Variants in PCBP3 observed in about 807,000 individuals in gnomAD.
PCBP3 encodes poly(rC) binding protein 3.
Under a neutral mutation model 52.7 loss-of-function variants are expected in PCBP3, and 25 were observed. That is an observed-to-expected ratio of 0.47 (90% CI 0.35 to 0.66). The LOEUF (loss-of-function observed/expected upper bound fraction) is 0.66. PCBP3 is among the 30% of genes least tolerant of loss of function. The probability of loss-of-function intolerance (pLI) is 0.01; values close to 1 mark genes in which losing one functional copy is unlikely to be tolerated. For missense variants in PCBP3, 391 were observed against 490.3 expected, an observed-to-expected ratio of 0.80 and a Z score of 1.91; for synonymous variants, 162 against 183.0, an observed-to-expected ratio of 0.89 and a Z score of 0.93.
chr21:45,845,570 G>A (rs1330366607), intron 4 of PCBP3, among the ~76,000 whole-genome samples: 7 of 151,438 alleles, frequency 4.6e-5, no homozygotes, highest in Non-Finnish European at 1.0e-4. Flanking sequence ...TTAAGCACCC[G>A]TGTGCACACG....
At chr21:45,823,469 CT>C (rs943990705) in intron 4 of PCBP3, among the ~76,000 whole-genome samples, 3 of 152,206 alleles carry the variant, frequency 2.0e-5, no homozygotes, top group Non-Finnish European at 4.4e-5. Context: ...CAGGCGTGGA[CT>C]TTCCGCTGTG....
chr21:45,787,302 T>G (rs2091228804), intron 4 of PCBP3, among the ~76,000 whole-genome samples: 1 of 152,176 alleles, frequency 6.6e-6, no homozygotes. Flanking sequence ...TGGAGTGCAA[T>G]GGCGTGATCA....
chr21:45,873,721 T>G (rs971987061), intron 5 of PCBP3, among the ~76,000 whole-genome samples: 3 of 152,234 alleles, frequency 2.0e-5, no homozygotes, highest in Non-Finnish European at 4.4e-5. Context: ...TGTGCGCACC[T>G]GTTTTTCATG....
At chr21:45,766,963 CT>C in intron 4 of PCBP3, among the ~76,000 whole-genome samples, 1 of 152,334 alleles carries the variant, frequency 6.6e-6, no homozygotes, top group East Asian at 1.9e-4. Context: ...AACATGTTCA[CT>C]TTCACACACA....
In PCBP3 at chr21:45,802,797, C is replaced by G. The variant is rs1223973676; in HGVS notation, c.-125-47164C>G. Among the ~76,000 whole-genome samples, 1 of 152,136 alleles carries G rather than the reference C, an allele frequency of 6.6e-6. No homozygotes were observed. The highest frequency in any genetic ancestry group is 2.4e-5 in the African/African-American group (1 of 41,434). ...GAGGAGGCAGGGATGGGAAGGGTCCCCGAGGGCCCTGAGCAGGGCTAACCC... is the reference window on the plus strand; with the variant it reads ...GAGGAGGCAGGGATGGGAAGGGTCCGCGAGGGCCCTGAGCAGGGCTAACCC... On this transcript the variant is annotated intron_variant, in intron 4 of 17. Coordinates refer to ENST00000681687, the MANE Select transcript of PCBP3 (RefSeq NM_001384156.1). The surrounding 1 kb of genome is among the most constrained non-coding windows in gnomAD (Gnocchi z 5.1).
intron 16 of PCBP3, among the ~76,000 whole-genome samples, chr21:45,937,160 C>T (rs537492827): frequency 2.0e-5 from 3 of 152,350 alleles, no homozygotes; most frequent in Admixed American, 6.5e-5. Context: ...CGTCCACGTC[C>T]GTCTCTTGGT....
intron 13 of PCBP3, among the ~76,000 whole-genome samples, chr21:45,923,824 G>C: frequency 6.6e-6 from 1 of 151,000 alleles, no homozygotes; most frequent in Non-Finnish European, 1.5e-5. Flanking sequence ...TGTGCACGAG[G>C]AGATGCGAAC....
intron 5 of PCBP3, among the ~76,000 whole-genome samples, chr21:45,874,749 T>G (rs1265411179): frequency 6.6e-6 from 1 of 152,140 alleles, no homozygotes; most frequent in Non-Finnish European, 1.5e-5. Context: ...TTTTAAGATT[T>G]GATTTTCCGT....
intron 4 of PCBP3, among the ~76,000 whole-genome samples, chr21:45,808,824 C>T (rs751239697): frequency 2.6e-5 from 4 of 152,098 alleles, no homozygotes; most frequent in East Asian, 1.9e-4. Flanking sequence ...ATAAAGAAAA[C>T]GTGGCACATA....
chr21:45,909,683 A>AGCCCACCCACTGCCCAGATACAGACCTG, intron 10 of PCBP3, among the ~76,000 whole-genome samples, 197 bp downstream of exon 10: 1 of 146,966 alleles, frequency 6.8e-6, no homozygotes, highest in South Asian at 2.2e-4. Flanking sequence ...GCAGGGACCC[A>AGCCCACCCACTGCCCAGATACAGACCTG]GCCCACCCAC....
At chr21:45,852,178 AC>A (rs2094037530) in intron 5 of PCBP3, among the ~76,000 whole-genome samples, 1 of 152,244 alleles carries the variant, frequency 6.6e-6, no homozygotes, top group Non-Finnish European at 1.5e-5. Context: ...AATAATGTAT[AC>A]GTGTATTGCA....
chr21:45,644,398 G>A (rs986562271), intron 1 of PCBP3, among the ~76,000 whole-genome samples: 4 of 151,922 alleles, frequency 2.6e-5, no homozygotes, highest in Non-Finnish European at 4.4e-5. Flanking sequence ...GCGCGCGCAG[G>A]TCTCTCTTGT....
intron 1 of PCBP3, among the ~76,000 whole-genome samples, chr21:45,665,745 A>G (rs939139925): frequency 6.6e-6 from 1 of 152,190 alleles, no homozygotes; most frequent in African/African-American, 2.4e-5. Flanking sequence ...ATTGAGGAGG[A>G]GGGCCTTCTC....
intron 5 of PCBP3, among the ~76,000 whole-genome samples, chr21:45,884,428 A>C (rs1292563772): frequency 6.6e-6 from 1 of 152,186 alleles, no homozygotes; most frequent in East Asian, 1.9e-4. Flanking sequence ...CTGAATACTA[A>C]GTATATAGCA....
rs1310474935 is a variant in PCBP3, at chr21:45,829,240, C to G, written c.-125-20721C>G. 6.6e-6 allele frequency: 1 copy of G among 150,720 alleles called. No homozygotes were observed. Among genetic ancestry groups the G allele is most frequent in the Non-Finnish European group, 1.5e-5 (1 of 66,872 alleles). The allele number at this position is 150,720 out of a possible 1,614,324, so 9.3% of individuals were successfully genotyped here. On this transcript the variant is annotated intron_variant, in intron 4 of 17. Transcript: ENST00000681687. This position sits in a 1 kb window ranked among gnomAD's most constrained non-coding sequence, Gnocchi z 5.2. Reference sequence around the variant, plus strand: ...CACGTGGTGGGGGCCTTCAGATTCTCTGAGATTCAAAGCTCTTTGGAGAGA... The same window carrying G: ...CACGTGGTGGGGGCCTTCAGATTCTGTGAGATTCAAAGCTCTTTGGAGAGA...
At chr21:45,717,197 C>T (rs1438466884) in intron 2 of PCBP3, among the ~76,000 whole-genome samples, 1 of 152,026 alleles carries the variant, frequency 6.6e-6, no homozygotes, top group East Asian at 1.9e-4. Context: ...ATATTGATCC[C>T]TGCCACCTTG....
intron 4 of PCBP3, among the ~76,000 whole-genome samples, chr21:45,806,627 T>C (rs991155938): frequency 2.0e-5 from 3 of 152,080 alleles, no homozygotes; most frequent in Admixed American, 1.3e-4. Context: ...TTCATCGTTC[T>C]TTTTTAGAAT....
rs1382888750 is a variant in PCBP3 at position 45,827,238 on chromosome 21, C to T, written c.-125-22723C>T. 6.6e-6 allele frequency among the ~76,000 whole-genome samples: 1 copy of T among 152,170 alleles called. No individual in the cohort carries two copies. Among genetic ancestry groups the T allele is most frequent in the Admixed American group, 6.5e-5 (1 of 15,274 alleles). On this transcript the variant is annotated intron_variant, in intron 4 of 17. Transcript: ENST00000681687. The surrounding 1 kb of genome is among the most constrained non-coding windows in gnomAD (Gnocchi z 4.3). ...GAGGCCAGGGGCGGAACCTAGATGC[C>T]TCTTCTAACCTGGCGGCAATGAGGC...
At chr21:45,663,713 A>G (rs747555591) in intron 1 of PCBP3, among the ~76,000 whole-genome samples, 30 of 151,990 alleles carry the variant, frequency 2.0e-4, no homozygotes, top group East Asian at 1.9e-4. Context: ...CTGATTTTCT[A>G]TTCTGTCCCC....
Sources: gnomAD v4.1 joint callset for allele counts (sites outside exome capture counted in the v4.1 genomes callset) on GRCh38, gnomAD v4.1.1 for gene constraint, Gnocchi (gnomAD v3.1) non-coding constraint, MANE v1.5 for transcripts, NCBI Gene and HGNC (gene_info 2026-07-23, HGNC 2026-07-21) for gene names.